The following GNG7 variants were observed in gnomAD, a reference collection of about 807,000 sequenced individuals.
GNG7 encodes guanine nucleotide-binding protein G(I)/G(S)/G(O) subunit gamma-7.
In GNG7, 1 loss-of-function variant was observed where a neutral mutation model predicts 4.0. That is an observed-to-expected ratio of 0.25 (90% CI 0.09 to 1.18). The LOEUF (loss-of-function observed/expected upper bound fraction) is 1.18, where lower values mean the gene tolerates loss of function less well. Among genes scored for constraint, GNG7 ranks in the 50% most tolerant of loss-of-function variants. The pLI, the probability that GNG7 is intolerant of heterozygous loss-of-function variation, is 0.50. For synonymous variants in GNG7, 34 were observed against 36.9 expected, an observed-to-expected ratio of 0.92 and a Z score of 0.29; for missense variants, 86 against 91.9, an observed-to-expected ratio of 0.94 and a Z score of 0.26.
At chr19:2,570,252 G>A (rs1313547608) in intron 2 of GNG7, among the ~76,000 whole-genome samples, 5 of 152,258 alleles carry the variant, frequency 3.3e-5, no homozygotes, top group African/African-American at 1.2e-4. Context: ...CTCACCAGAA[G>A]CCCAGGAGAT....
chr19:2,526,643 A>G (rs1978406361), intron 3 of GNG7, among the ~76,000 whole-genome samples: 1 of 149,428 alleles, frequency 6.7e-6, no homozygotes, highest in African/African-American at 2.4e-5. Flanking sequence ...TTATACACTT[A>G]TTGCATACAT....
chr19:2,587,619 C>T (rs1244475781), intron 2 of GNG7, among the ~76,000 whole-genome samples: 1 of 152,106 alleles, frequency 6.6e-6, no homozygotes, highest in Non-Finnish European at 1.5e-5. Flanking sequence ...GCCTGGGCTG[C>T]TGAGTCACCC....
chr19:2,690,151 G>C (rs1372008549), intron 1 of GNG7, among the ~76,000 whole-genome samples: 1 of 152,086 alleles, frequency 6.6e-6, no homozygotes, highest in Non-Finnish European at 1.5e-5. Context: ...GGAGGCCGAA[G>C]CGAAAGGATC....
In GNG7 at chr19:2,634,654, C is replaced by T. The variant is rs148509254; in HGVS notation, c.-78+11570G>A. 1.3e-5 allele frequency among the ~76,000 whole-genome samples: 2 copies of T among 152,190 alleles called. No individual in the cohort carries two copies. Among genetic ancestry groups the T allele is most frequent in the African/African-American group, 4.8e-5 (2 of 41,516 alleles). The stretch of plus-strand genomic sequence containing the variant: ...GAGCTGTGACCTTCCGGGAGCAGAG[C>T]GTTTTCAGGCTCTGGCTGTATATCT... On this transcript the variant is annotated intron_variant, in intron 2 of 4. Coordinates refer to ENST00000382159, the MANE Select transcript of GNG7 (RefSeq NM_052847.3). The surrounding 1 kb of genome is among the most constrained non-coding windows in gnomAD (Gnocchi z 5.3).
At chr19:2,533,495 G>A (rs1312089040) in intron 3 of GNG7, among the ~76,000 whole-genome samples, 3 of 152,052 alleles carry the variant, frequency 2.0e-5, no homozygotes, top group Non-Finnish European at 4.4e-5. Context: ...GTACACAGGT[G>A]TACACATTTG....
intron 1 of GNG7, among the ~76,000 whole-genome samples, chr19:2,693,606 C>T (rs949200994): frequency 6.6e-6 from 1 of 152,058 alleles, no homozygotes; most frequent in Admixed American, 6.6e-5. Flanking sequence ...CATCGGAGCT[C>T]TGGACTATTC....
intron 2 of GNG7, among the ~76,000 whole-genome samples, chr19:2,582,780 T>C (rs544232461): frequency 6.7e-6 from 1 of 149,620 alleles, no homozygotes; most frequent in African/African-American, 2.4e-5. Flanking sequence ...GCGATTCTCC[T>C]GCCTCAGCTT....
At chr19:2,629,440 C>T (rs899414115) in intron 2 of GNG7, among the ~76,000 whole-genome samples, 13 of 152,126 alleles carry the variant, frequency 8.5e-5, no homozygotes, top group East Asian at 3.8e-4. Context: ...GAGTCACAGA[C>T]GGGTCAGGTA....
rs575243736 is a variant in GNG7 at position 2,670,357 on chromosome 19, G to A, written c.-134-24077C>T. The stretch of plus-strand genomic sequence containing the variant: ...GCAGGCCTGCCTCTGAGGCCCCCGC[G>A]GGAGCCGTGCTGTCACCTCGACCCC... On this transcript the variant is annotated intron_variant, in intron 1 of 4. Coordinates refer to ENST00000382159, the MANE Select transcript of GNG7 (RefSeq NM_052847.3). Among the ~76,000 whole-genome samples, 13 of 152,316 alleles carry A rather than the reference G, an allele frequency of 8.5e-5. No individual in the cohort carries two copies. In the South Asian group the frequency reaches 1.4e-3, roughly 17 times the overall value.
At chr19:2,563,525 G>A (rs1290076007) in intron 2 of GNG7, among the ~76,000 whole-genome samples, 1 of 151,992 alleles carries the variant, frequency 6.6e-6, no homozygotes. Flanking sequence ...TGTCGCCCAG[G>A]CTGGAGTGCA....
rs1981794019 is a variant in GNG7, at chr19:2,618,913, AC to A, written c.-78+27310del. 1.3e-5 allele frequency among the ~76,000 whole-genome samples: 2 copies of A among 152,084 alleles called. No individual in the cohort carries two copies. Among genetic ancestry groups the A allele is most frequent in the African/African-American group, 4.8e-5 (2 of 41,474 alleles). On this transcript the variant is annotated intron_variant, in intron 2 of 4. Coordinates refer to ENST00000382159, the MANE Select transcript of GNG7 (RefSeq NM_052847.3). This position sits in a 1 kb window ranked among gnomAD's most constrained non-coding sequence, Gnocchi z 5.1. ...CATCCAGGAGCCCATGTGGCATCTG[AC>A]CGTCCCATCTCCGTGGGTTCCTCTG...
chr19:2,588,539 C>T (rs554463428), intron 2 of GNG7, among the ~76,000 whole-genome samples: 5 of 152,306 alleles, frequency 3.3e-5, no homozygotes, highest in South Asian at 2.1e-4. Context: ...GAGCCCAGGG[C>T]GGCGGCAGCT....
chr19:2,619,768 G>A (rs1412641681), intron 2 of GNG7, among the ~76,000 whole-genome samples: 1 of 152,088 alleles, frequency 6.6e-6, no homozygotes, highest in African/African-American at 2.4e-5. Context: ...CTGCCGGGGG[G>A]AGATGGGGAG....
intron 1 of GNG7, among the ~76,000 whole-genome samples, chr19:2,657,354 AAAAAAAAATATATAT>A (rs1237777038): frequency 4.6e-5 from 1 of 21,880 alleles, no homozygotes; most frequent in African/African-American, 1.1e-4. Context: ...AAAAAAAAAA[AAAAAAAAATATATAT>A]ATATATATAT....
chr19:2,627,166 G>C (rs549676329), intron 2 of GNG7, among the ~76,000 whole-genome samples: 92 of 152,176 alleles, frequency 6.0e-4, no homozygotes, highest in African/African-American at 2.2e-3. Flanking sequence ...TTCTATCCCA[G>C]AGGGTCTCAA....
chr19:2,553,393 T>TACAC (rs1555693119), intron 3 of GNG7, among the ~76,000 whole-genome samples: 1 of 138,174 alleles, frequency 7.2e-6, no homozygotes, highest in East Asian at 2.2e-4. Flanking sequence ...CATATATATA[T>TACAC]ATACATATAT....
chr19:2,550,829 C>G lies in GNG7; in HGVS notation c.-38+4320G>C, dbSNP rs74722022. ...AACTAAAGGAATTGGAGCAGTGGACCTGGCCTGCAGGGGGCACGGGAGAGG... is the reference window on the plus strand; with the variant it reads ...AACTAAAGGAATTGGAGCAGTGGACGTGGCCTGCAGGGGGCACGGGAGAGG... On this transcript the variant is annotated intron_variant, in intron 3 of 4. Transcript: ENST00000382159. Among the ~76,000 whole-genome samples the G allele has an allele frequency of 1.0e-3, 156 of 152,292 alleles. 6 individuals carry two copies. The East Asian group carries it at 0.026, about 25-fold the overall frequency.
chr19:2,580,286 ATTTTTTTT>A (rs5826774), intron 2 of GNG7, among the ~76,000 whole-genome samples: 15,954 of 133,558 alleles, frequency 0.12, 1,646 homozygotes, highest in East Asian at 0.57. Flanking sequence ...GTCTGGTTCT[ATTTTTTTT>A]TTTTTTTTTT....
intron 2 of GNG7, among the ~76,000 whole-genome samples, chr19:2,590,716 T>G (rs1309366942): frequency 6.7e-6 from 1 of 149,142 alleles, no homozygotes; most frequent in Non-Finnish European, 1.5e-5. Context: ...CACCCATTCA[T>G]CCATCCATCC....
Sources: gnomAD v4.1 joint callset for allele counts (sites outside exome capture counted in the v4.1 genomes callset) on GRCh38, gnomAD v4.1.1 for gene constraint, Gnocchi (gnomAD v3.1) non-coding constraint, MANE v1.5 for transcripts, NCBI Gene and HGNC (gene_info 2026-07-23, HGNC 2026-07-21) for gene names.